Variants in RIPOR2 observed in about 807,000 individuals in gnomAD.
RIPOR2 encodes RHO family interacting cell polarization regulator 2, also known as rho family-interacting cell polarization regulator 2.
In RIPOR2, 39 loss-of-function variants were observed where a neutral mutation model predicts 114.5. The ratio of observed to expected loss-of-function variants is 0.34; its 90% CI spans 0.26 to 0.44. The LOEUF (loss-of-function observed/expected upper bound fraction) is 0.44, where lower values mean the gene tolerates loss of function less well. Among genes scored for constraint, RIPOR2 ranks in the 20% least tolerant of loss-of-function variants. The pLI, the probability that RIPOR2 is intolerant of heterozygous loss-of-function variation, is 1.00. For missense variants in RIPOR2, 1,007 were observed against 1,255.1 expected (o/e 0.80, Z 2.99); for synonymous variants, 445 against 484.4 (o/e 0.92, Z 1.07).
chr6:24,971,799 G>A (rs1773799915), intron 1 of RIPOR2, among the ~76,000 whole-genome samples: 1 of 152,168 alleles, frequency 6.6e-6, no homozygotes, highest in Non-Finnish European at 1.5e-5. Context: ...GAGGAAATGA[G>A]GTCCATTACT....
At chr6:24,900,989 T>A in intron 1 of RIPOR2, among the ~76,000 whole-genome samples, 1 of 152,168 alleles carries the variant, frequency 6.6e-6, no homozygotes. Flanking sequence ...TTAGACTTCG[T>A]ATTTATTTTT....
At chr6:25,027,229 G>A (rs1173484939) in intron 1 of RIPOR2, among the ~76,000 whole-genome samples, 2 of 152,282 alleles carry the variant, frequency 1.3e-5, no homozygotes, top group East Asian at 3.9e-4. Context: ...CGACAATCGC[G>A]TAGGGGTGGA....
chr6:25,034,351 A>G (rs972137553), intron 1 of RIPOR2, among the ~76,000 whole-genome samples: 3 of 152,142 alleles, frequency 2.0e-5, no homozygotes, highest in Non-Finnish European at 2.9e-5. Context: ...GGGTGTGTAT[A>G]TAGTTAACAT....
chr6:25,023,682 T>C, intron 1 of RIPOR2: 1 of 763,332 alleles, frequency 1.3e-6, no homozygotes, highest in Non-Finnish European at 2.4e-6. Context: ...GTGAAGCGGT[T>C]CTCCACGATG....
chr6:24,822,385 T>C (rs546068538), intron 19 of RIPOR2, among the ~76,000 whole-genome samples: 6 of 152,338 alleles, frequency 3.9e-5, no homozygotes, highest in Non-Finnish European at 8.8e-5. Context: ...GACTAGGTAC[T>C]TGTTAGGTGC....
At chr6:24,891,799 C>T (rs1193128690) in intron 1 of RIPOR2, among the ~76,000 whole-genome samples, 1 of 152,208 alleles carries the variant, frequency 6.6e-6, no homozygotes, top group Non-Finnish European at 1.5e-5. Context: ...CCACAATCCT[C>T]TTGCCAATTT....
chr6:24,873,753 C>G lies in RIPOR2; in HGVS notation c.235G>C (p.Ala79Pro), dbSNP rs749106403. ...ENSSALKKPQ[A>P]KLKKMHNLGH... is the part of the protein sequence containing the mutation. ...AAATTGTGCATTTTCTTCAGTTTGG[C>G]CTGAGGCTTCTTGAGAGCGGAGGAA... The change falls in exon 3 of 22, where the codon GCC becomes CCC. Residue 79 changes from alanine to proline, a missense_variant. Ala to Pro is a conservative substitution (Grantham distance 27). Coordinates refer to ENST00000643898, the MANE Select transcript of RIPOR2 (RefSeq NM_001286445.3). The G allele has an allele frequency of 2.7e-5, 44 of 1,613,074 alleles. No individual in the cohort carries two copies. The highest frequency in any genetic ancestry group is 3.7e-5 in the Non-Finnish European group (44 of 1,179,674).
At chr6:24,850,957 G>A (rs1762838758) in intron 9 of RIPOR2, among the ~76,000 whole-genome samples, 3 of 151,060 alleles carry the variant, frequency 2.0e-5, no homozygotes, top group African/African-American at 7.3e-5. Context: ...GTGCAATGGT[G>A]TGATCTTGGC....
At chr6:24,922,946 T>C (rs1191284228) in intron 1 of RIPOR2, among the ~76,000 whole-genome samples, 1 of 151,724 alleles carries the variant, frequency 6.6e-6, no homozygotes, top group African/African-American at 2.4e-5. Flanking sequence ...TTCAGTAGTG[T>C]AAAGTACATT....
In RIPOR2 at chr6:25,022,532, A is replaced by ATTTTTTTTTTTTTTT. The variant is rs10564019; in HGVS notation, c.76+19304_76+19318dup. Reference sequence around the variant, plus strand: ...ACATATAACTAATGTGGTACCTTCCATTTTTTTTTTTTTTTTTTTTTTTTT... The same window carrying ATTTTTTTTTTTTTTT: ...ACATATAACTAATGTGGTACCTTCCATTTTTTTTTTTTTTTTTTTTTTTTTTTTTTTTTTTTTTTT... On this transcript the variant is annotated intron_variant, in intron 1 of 13. Transcript: ENST00000510784. Among the ~76,000 whole-genome samples, 10 of 40,988 alleles carry ATTTTTTTTTTTTTTT rather than the reference A, an allele frequency of 2.4e-4. 3 individuals carry two copies. Among genetic ancestry groups the ATTTTTTTTTTTTTTT allele is most frequent in the East Asian group, 2.2e-3 (2 of 924 alleles). The allele number at this position is 40,988 out of a possible 152,430, so 26.9% of individuals were successfully genotyped here.
chr6:24,847,662 G>C, intron 12 of RIPOR2: 1 of 1,551,636 alleles, frequency 6.4e-7, no homozygotes, highest in Non-Finnish European at 8.7e-7. Context: ...ACAGCCGCCT[G>C]GGCTTGTCTG....
At chr6:24,850,250 C>T (rs1581590474) in intron 10 of RIPOR2, among the ~76,000 whole-genome samples, 1 of 151,886 alleles carries the variant, frequency 6.6e-6, no homozygotes, top group East Asian at 1.9e-4. Flanking sequence ...GCACACGGAC[C>T]ACGTCTGGCT....
rs1207800036 is a variant in RIPOR2, at chr6:24,927,296, C to G, written c.61+8542G>C. 1.5e-4 allele frequency among the ~76,000 whole-genome samples: 18 copies of G among 121,000 alleles called. 1 individual carries two copies. The highest frequency in any genetic ancestry group is 4.1e-4 in the African/African-American group (13 of 31,944). 79.4% of individuals were successfully genotyped at this position (121,000 alleles called of 152,430 possible). ...ACAATCACCACCACCACCACCACCACCACCACCACAACTACAATCACTACC... is the reference window on the plus strand; with the variant it reads ...ACAATCACCACCACCACCACCACCAGCACCACCACAACTACAATCACTACC... On this transcript the variant is annotated intron_variant, in intron 1 of 21. Transcript: ENST00000643898.
At chr6:25,009,836 C>T (rs934890280) in intron 1 of RIPOR2, among the ~76,000 whole-genome samples, 4 of 151,994 alleles carry the variant, frequency 2.6e-5, no homozygotes, top group African/African-American at 9.7e-5. Context: ...GGTGGGGACT[C>T]AACTGTCTCC....
chr6:24,944,030 A>G (rs2114183905), intron 1 of RIPOR2, among the ~76,000 whole-genome samples: 1 of 152,324 alleles, frequency 6.6e-6, no homozygotes, highest in African/African-American at 2.4e-5. Flanking sequence ...GCTTAACAAA[A>G]AGCTTAAAAG....
intron 21 of RIPOR2, among the ~76,000 whole-genome samples, chr6:24,807,801 C>G (rs559247190): frequency 6.6e-6 from 1 of 152,274 alleles, no homozygotes; most frequent in East Asian, 1.9e-4. Flanking sequence ...AGTTGCAGCC[C>G]TGAGTCCTTT....
intron 1 of RIPOR2, among the ~76,000 whole-genome samples, chr6:25,028,124 T>C (rs1776717478): frequency 6.6e-6 from 1 of 152,220 alleles, no homozygotes; most frequent in Admixed American, 6.5e-5. Flanking sequence ...TTAATTTTCC[T>C]TCACTGTATT....
rs1172713002 is a variant in RIPOR2, at chr6:25,037,924, G to T, written c.76+3927C>A. On this transcript the variant is annotated intron_variant, in intron 1 of 13. Coordinates refer to the RIPOR2 transcript ENST00000510784. The surrounding 1 kb of genome is among the most constrained non-coding windows in gnomAD (Gnocchi z 4.5). Reference sequence around the variant, plus strand: ...GTCCGGGTATTAAATAATATGTGGGGATCATTGTTAATTTTATTACGCAGT... The same window carrying T: ...GTCCGGGTATTAAATAATATGTGGGTATCATTGTTAATTTTATTACGCAGT... Among the ~76,000 whole-genome samples, 3 of 152,082 alleles carry T rather than the reference G, an allele frequency of 2.0e-5. No individual in the cohort carries two copies. The highest frequency in any genetic ancestry group is 4.4e-5 in the Non-Finnish European group (3 of 68,018).
intron 1 of RIPOR2, among the ~76,000 whole-genome samples, chr6:24,907,046 A>G (rs1187552566): frequency 6.6e-6 from 1 of 152,222 alleles, no homozygotes; most frequent in Non-Finnish European, 1.5e-5. Flanking sequence ...GATTCTCCCA[A>G]ATTATATAAC....
Sources: allele counts gnomAD v4.1 joint callset (sites outside exome capture counted in the v4.1 genomes callset), GRCh38; gene constraint gnomAD v4.1.1; non-coding constraint Gnocchi (gnomAD v3.1); transcripts MANE v1.5; gene names NCBI Gene and HGNC (gene_info 2026-07-23, HGNC 2026-07-21).